SELENOT: variants seen among roughly 807,000 people sequenced by gnomAD.
SELENOT encodes the protein selenoprotein T.
SELENOT carries 9 observed loss-of-function variants against 24.3 expected under a neutral mutation model. That is an observed-to-expected ratio of 0.37 (90% confidence interval 0.22 to 0.65). SELENOT has a LOEUF of 0.65. SELENOT is among the 30% of genes least tolerant of loss of function. SELENOT has a pLI of 0.60. For synonymous variants in SELENOT, 81 were observed against 86.0 expected (o/e 0.94, Z 0.32); for missense variants, 166 against 247.6 (o/e 0.67, Z 2.21).
At chr3:150,622,709 C>G (rs1726369024) in intron 2 of SELENOT, among the ~76,000 whole-genome samples, 1 of 151,830 alleles carries the variant, frequency 6.6e-6, no homozygotes, top group Non-Finnish European at 1.5e-5. Flanking sequence ...GATGGCAACC[C>G]TTCTAAAGAT....
intron 1 of SELENOT, among the ~76,000 whole-genome samples, chr3:150,618,262 C>T (rs529564410): frequency 1.5e-4 from 23 of 152,274 alleles, no homozygotes; most frequent in Admixed American, 1.4e-3. Context: ...AATTAGGCCT[C>T]GTTGTGTAAA....
At chr3:150,623,592 CCT>C (rs10663245) in intron 3 of SELENOT, among the ~76,000 whole-genome samples, 7 of 151,830 alleles carry the variant, frequency 4.6e-5, no homozygotes, top group Admixed American at 1.3e-4. Flanking sequence ...TATCAAAACT[CCT>C]CTCTCTTTTT....
chr3:150,607,160 C>T (rs776468054), intron 1 of SELENOT, among the ~76,000 whole-genome samples: 5 of 152,084 alleles, frequency 3.3e-5, no homozygotes, highest in Non-Finnish European at 5.9e-5. Context: ...TAGAATATGG[C>T]GGGATTTTCA....
chr3:150,615,881 C>G (rs1430986729), intron 1 of SELENOT, among the ~76,000 whole-genome samples: 1 of 150,816 alleles, frequency 6.6e-6, no homozygotes, highest in African/African-American at 2.4e-5. Context: ...AAAAAGAGCC[C>G]GCATCACCAA....
rs552692190 is a variant in SELENOT at position 150,603,427 on chromosome 3, A to T, written c.65A>T (p.Asn22Ile). The T allele has an allele frequency of 1.2e-6, 2 of 1,613,388 alleles. No individual in the cohort carries two copies. The highest frequency in any genetic ancestry group is 1.7e-6 in the Non-Finnish European group (2 of 1,179,504). ...ATGGTCCGGAGCGAGGCCTCGGCCA[A>T]TCTGGGCGGCGTGCCCAGCAAGAGA... ...SAMVRSEASA[N>I]LGGVPSKRLK... The change falls in exon 1 of 6, where the codon AAT (asparagine) becomes ATT (isoleucine). Residue 22 changes from asparagine to isoleucine, a missense_variant. Coordinates refer to ENST00000471696, the MANE Select transcript of SELENOT (RefSeq NM_016275.5).
chr3:150,603,818 G>A, intron 1 of SELENOT: 1 of 217,152 alleles, frequency 4.6e-6, no homozygotes, highest in Non-Finnish European at 9.1e-6. Flanking sequence ...GCGGCGTCAC[G>A]CCATAGCCAC....
intron 1 of SELENOT, among the ~76,000 whole-genome samples, chr3:150,616,024 A>G (rs971204394): frequency 3.2e-4 from 49 of 152,054 alleles, no homozygotes; most frequent in African/African-American, 1.2e-3. Flanking sequence ...GGAACAGAAC[A>G]GAGCCCTCAG....
chr3:150,614,480 C>A (rs1008563140), intron 1 of SELENOT: 1 of 153,524 alleles, frequency 6.5e-6, no homozygotes. Flanking sequence ...AAGGATCTTA[C>A]ACATGAAAAT....
At chr3:150,613,588 TA>T (rs1296390084) in intron 1 of SELENOT, among the ~76,000 whole-genome samples, 1 of 149,948 alleles carries the variant, frequency 6.7e-6, no homozygotes, top group Non-Finnish European at 1.5e-5. Flanking sequence ...TAAAGGAAGA[TA>T]ATTGTAAAAT....
intron 1 of SELENOT, 198 bp downstream of exon 1, chr3:150,603,697 T>C: frequency 1.7e-6 from 1 of 571,578 alleles, no homozygotes; most frequent in Non-Finnish European, 3.0e-6. Context: ...GTATAACTGC[T>C]CACTTGTTTT....
In SELENOT at chr3:150,630,037, T is replaced by C. The variant is rs1377480541; in HGVS notation, c.*2408T>C. 2 of 152,638 alleles carry C rather than the reference T, an allele frequency of 1.3e-5. No individual in the cohort carries two copies. The highest frequency in any genetic ancestry group is 4.8e-5 in the African/African-American group (2 of 41,462). 9.5% of individuals were successfully genotyped at this position (152,638 alleles called of 1,614,324 possible). A position where few individuals can be genotyped will look rare whatever the true frequency, so the allele number is the denominator to read the frequency against. ...TTGGTACATTAATAAAAAAAGTTGGTAAAACATGGTTTTATACCTCAGTGT... is the reference window on the plus strand; with the variant it reads ...TTGGTACATTAATAAAAAAAGTTGGCAAAACATGGTTTTATACCTCAGTGT... On this transcript the variant is annotated 3_prime_UTR_variant, in exon 6 of 6. Transcript: ENST00000471696.
At chr3:150,611,605 C>T (rs1040663893) in intron 1 of SELENOT, 9 of 1,431,230 alleles carry the variant, frequency 6.3e-6, no homozygotes, top group African/African-American at 1.4e-5. Flanking sequence ...AAGATGCCTG[C>T]GCTCTTATCC....
intron 1 of SELENOT, among the ~76,000 whole-genome samples, chr3:150,613,068 T>G (rs906073274): frequency 6.6e-6 from 1 of 152,214 alleles, no homozygotes; most frequent in Non-Finnish European, 1.5e-5. Flanking sequence ...TTGAGCAGAA[T>G]TAGACATAAA....
intron 1 of SELENOT, among the ~76,000 whole-genome samples, chr3:150,604,423 C>T (rs767054605): frequency 1.9e-4 from 29 of 152,110 alleles, no homozygotes; most frequent in Non-Finnish European, 4.1e-4. Context: ...AATCTTACAC[C>T]TCCAAAGATG....
chr3:150,613,758 A>C (rs1726149866), intron 1 of SELENOT, among the ~76,000 whole-genome samples: 1 of 139,384 alleles, frequency 7.2e-6, no homozygotes, highest in Admixed American at 8.2e-5. Context: ...CATTCATCTC[A>C]TTAGGTTCCC....
intron 2 of SELENOT, 105 bp downstream of exon 2, chr3:150,622,600 G>A (rs1726366500): frequency 6.3e-6 from 3 of 479,636 alleles, no homozygotes; most frequent in Non-Finnish European, 1.1e-5. Flanking sequence ...TACTTAGTTG[G>A]TTATAATAAT....
intron 1 of SELENOT, among the ~76,000 whole-genome samples, chr3:150,605,746 T>C (rs900301490): frequency 1.3e-5 from 2 of 152,180 alleles, no homozygotes; most frequent in Non-Finnish European, 2.9e-5. Flanking sequence ...ATTAATCTGT[T>C]TATGGTAAAG....
At chr3:150,624,230 T>C (rs1356981033) in intron 3 of SELENOT, among the ~76,000 whole-genome samples, 1 of 152,056 alleles carries the variant, frequency 6.6e-6, no homozygotes, top group African/African-American at 2.4e-5. Context: ...CTGTGAACAT[T>C]TGATTTATTT....
chr3:150,613,696 A>ATTTT (rs1726148788), intron 1 of SELENOT, among the ~76,000 whole-genome samples: 1 of 95,734 alleles, frequency 1.0e-5, no homozygotes, highest in Non-Finnish European at 2.1e-5. Flanking sequence ...TTTTTTTTAG[A>ATTTT]GAAAAAGACC....
Sources: gnomAD v4.1 joint callset for allele counts (sites outside exome capture counted in the v4.1 genomes callset) on GRCh38, gnomAD v4.1.1 for gene constraint, MANE v1.5 for transcripts, NCBI Gene and HGNC (gene_info 2026-07-23, HGNC 2026-07-21) for gene names.